The following TTN variants were observed in gnomAD, a reference collection of about 807,000 sequenced individuals.
TTN encodes the protein connectin.
TTN carries 1,525 observed loss-of-function variants against 3,223.0 expected under a neutral mutation model. The ratio of observed to expected loss-of-function variants is 0.47; its 90% CI spans 0.45 to 0.49. TTN has a LOEUF of 0.49. Ranked by LOEUF, TTN falls within the 20% of genes least tolerant of loss-of-function variation. The probability of loss-of-function intolerance (pLI) is 0.00; values close to 1 mark genes in which losing one functional copy is unlikely to be tolerated. For missense variants in TTN, 40,786 were observed against 43,424.0 expected, an observed-to-expected ratio of 0.94 and a Z score of 5.40; for synonymous variants, 14,094 against 15,161.0, an observed-to-expected ratio of 0.93 and a Z score of 5.17.
intron 208 of TTN, 62 bp downstream of exon 208, chr2:178,651,181 A>T: frequency 1.5e-6 from 2 of 1,375,492 alleles, no homozygotes; most frequent in Non-Finnish European, 1.0e-6. Context: ...AAGGTTTGAT[A>T]ATAGGTGACT....
rs571668367 is a variant in TTN, at chr2:178,557,352, C to T, written c.87910G>A (p.Ala29304Thr). ...TTHFKVTTIS[A>T]GLIYEFRVYA... ...ACCCTGAATTCATAAATAAGTCCAG[C>T]ACTGATTGTTGTGACTTTGAAGTGA... Residue 29304 changes from alanine (A) to threonine (T), a missense_variant, in exon 329 of 363, where the codon GCT (alanine) becomes ACT (threonine). Physicochemically the swap from Ala to Thr is moderately conservative, Grantham distance 58 (BLOSUM62 0). Coordinates refer to ENST00000589042, the MANE Select transcript of TTN (RefSeq NM_001267550.2). The T allele has an allele frequency of 1.9e-6, 3 of 1,613,954 alleles. No homozygotes were observed. The highest frequency in any genetic ancestry group is 2.5e-6 in the Non-Finnish European group (3 of 1,179,858).
At position 178,632,295 on chromosome 2, in the gene TTN, G is replaced by C; in HGVS notation, c.43599C>G (p.Asp14533Glu). The change falls in exon 236 of 363, where the codon GAC (aspartate) becomes GAG (glutamate). Residue 14533 changes from aspartate to glutamate, a missense_variant. Transcript: ENST00000589042. ...CCGACCTGGTGGTGTGTAGGCGCTG[G>C]TCATTCTTGAACCATTTAACTCGGA... ...DNIRVKWFKN[D>E]QRLHTTRSVS... 1.2e-6 allele frequency: 2 copies of C among 1,609,522 alleles called. No individual in the cohort carries two copies. The highest frequency in any genetic ancestry group is 1.7e-6 in the Non-Finnish European group (2 of 1,177,870).
At chr2:178,707,887 A>C in intron 99 of TTN, 74 bp from the exon 100 acceptor site, 2 of 1,495,006 alleles carry the variant, frequency 1.3e-6, no homozygotes, top group Non-Finnish European at 1.8e-6. Flanking sequence ...GAAACAAATA[A>C]AGAGAAAAAC....
chr2:178,660,825 C>T (rs200342566), intron 180 of TTN, among the ~76,000 whole-genome samples: 5,426 of 143,938 alleles, frequency 0.038, no homozygotes, highest in East Asian at 0.058. Flanking sequence ...CTCAAACAAA[C>T]GTGTAAGAAA....
chr2:178,580,695 A>C, intron 316 of TTN, 86 bp from the exon 317 acceptor site: 1 of 1,279,740 alleles, frequency 7.8e-7, no homozygotes, highest in Non-Finnish European at 1.1e-6. Context: ...CCTAAAATAC[A>C]TTTATTTTCT....
intron 47 of TTN, chr2:178,747,872 G>A (rs763867040): frequency 6.8e-6 from 11 of 1,612,926 alleles, no homozygotes; most frequent in African/African-American, 1.3e-5. Flanking sequence ...TTGTTCACCT[G>A]GATTCTGTTG....
chr2:178,697,814 A>G (rs996236543), intron 112 of TTN, among the ~76,000 whole-genome samples: 9 of 152,160 alleles, frequency 5.9e-5, no homozygotes, highest in Non-Finnish European at 1.5e-5. Context: ...TTTTTCTTCA[A>G]ATATTGATAT....
In TTN at chr2:178,554,672, C is replaced by T. The variant is rs748038054; in HGVS notation, c.88675G>A (p.Ala29559Thr). The T allele has an allele frequency of 3.1e-6, 5 of 1,613,960 alleles. No individual in the cohort carries two copies. Among genetic ancestry groups the T allele is most frequent in the Non-Finnish European group, 4.2e-6 (5 of 1,179,860 alleles). Residue 29559 changes from alanine (A) to threonine (T), a missense_variant, in exon 332 of 363, where the codon GCT (alanine) becomes ACT (threonine). Physicochemically the swap from Ala to Thr is moderately conservative, Grantham distance 58. Coordinates refer to ENST00000589042, the MANE Select transcript of TTN (RefSeq NM_001267550.2). ...GTGATTTTTGCACCACCATCATCAG[C>T]TGGAGGCCGCCAGAGAAGGGTGATC... ...EKITLLWRPP[A>T]DDGGAKITHY...
intron 250 of TTN, chr2:178,619,230 G>T (rs2057886967): frequency 2.8e-6 from 1 of 353,682 alleles, no homozygotes; most frequent in Non-Finnish European, 5.1e-6. Context: ...TACACTAATG[G>T]CTTTTTCATA....
chr2:178,798,058 G>T (rs951857948), intron 6 of TTN, among the ~76,000 whole-genome samples: 2 of 151,714 alleles, frequency 1.3e-5, no homozygotes, highest in Non-Finnish European at 2.9e-5. Flanking sequence ...TATATACTTG[G>T]ATCTATTATA....
rs748972617 is a variant in TTN, at chr2:178,682,945, A to C, written c.32888-42T>G. The C allele has an allele frequency of 2.7e-6, 4 of 1,492,520 alleles. No individual in the cohort carries two copies. The South Asian group carries it at 3.8e-5, about 14-fold the overall frequency. The allele number at this position is 1,492,520 out of a possible 1,614,324, so 92.5% of individuals were successfully genotyped here. A position where few individuals can be genotyped will look rare whatever the true frequency, so the allele number is the denominator to read the frequency against. On this transcript the variant is annotated intron_variant, in intron 134 of 362. Transcript: ENST00000589042. Reference sequence around the variant, plus strand: ...AACAGGCAGCACTTTACTTTAAAGCACTTTTAAGGATGACTGATAGTAACA... The same window carrying C: ...AACAGGCAGCACTTTACTTTAAAGCCCTTTTAAGGATGACTGATAGTAACA...
At chr2:178,770,869 C>T (rs930950818) in intron 34 of TTN, 194 bp from the exon 35 acceptor site, 16 of 852,682 alleles carry the variant, frequency 1.9e-5, no homozygotes, top group African/African-American at 1.5e-4. Flanking sequence ...ACATGTACAT[C>T]GTGAAATGAT....
rs1391021761 is a variant in TTN, at chr2:178,553,129, G to A, written c.89771C>T (p.Ser29924Leu). 1.2e-6 allele frequency: 2 copies of A among 1,612,252 alleles called. No homozygotes were observed. Among genetic ancestry groups the A allele is most frequent in the East Asian group, 2.2e-5 (1 of 44,846 alleles). ...GTCAAGCACTTTAACACTCACAGTT[G>A]AAGACTTAGGTTCACCAACTCCATT... is the stretch of plus-strand genomic sequence containing the variant. ...IENGVGEPKSSTVSVKVLDTP... is the reference protein window; with the variant it reads ...IENGVGEPKSLTVSVKVLDTP... The change falls in exon 335 of 363, where the codon TCA becomes TTA. Residue 29924 changes from serine (S) to leucine (L), a missense_variant. Coordinates refer to ENST00000589042, the MANE Select transcript of TTN (RefSeq NM_001267550.2).
Position 178,530,861 on chromosome 2 carries a change from G to A in TTN, c.105754C>T (p.Arg35252Ter), listed in dbSNP as rs886043924. Residue 35252 changes from arginine to a stop codon, truncating the protein, a stop_gained, in exon 358 of 363, where the codon CGA (arginine) becomes TGA (stop). Coordinates refer to ENST00000589042, the MANE Select transcript of TTN (RefSeq NM_001267550.2). LOFTEE classifies it high-confidence loss of function. ...TGAGAAGGTTCTGGAGATTTCACTCGTTTTGGAGACTTAACTGCTTCTGGG... is the reference window on the plus strand; with the variant it reads ...TGAGAAGGTTCTGGAGATTTCACTCATTTTGGAGACTTAACTGCTTCTGGG... ...KSPEAVKSPK[R>*]VKSPEPSHPK... 4.3e-6 allele frequency: 7 copies of A among 1,613,688 alleles called. No individual in the cohort carries two copies. The highest frequency in any genetic ancestry group is 4.0e-5 in the African/African-American group (3 of 74,840).
Position 178,584,671 on chromosome 2 carries a change from A to G in TTN, c.64970T>C (p.Phe21657Ser). 6.2e-7 allele frequency: 1 copy of G among 1,613,132 alleles called. No homozygotes were observed. The highest frequency in any genetic ancestry group is 8.5e-7 in the Non-Finnish European group (1 of 1,179,480). ...TTTTCTCCTTCACAAAAACATACCA[A>G]ATGGGAACTGCGCAACCATCTTTGG... ...TSPKMVAQFP[F>S]GVPSEPKNAR... Residue 21657 changes from phenylalanine (F) to serine (S), a missense_variant and splice_region_variant, in exon 310 of 363, where the codon TTT (phenylalanine) becomes TCT (serine). By Grantham distance (155) the Phe-to-Ser change is radical. Coordinates refer to ENST00000589042, the MANE Select transcript of TTN (RefSeq NM_001267550.2).
rs1380930420 is a variant in TTN at position 178,697,141 on chromosome 2, G to A, written c.30782C>T (p.Thr10261Ile). The A allele has an allele frequency of 1.3e-6, 2 of 1,553,668 alleles. No individual in the cohort carries two copies. The highest frequency in any genetic ancestry group is 1.4e-5 in the African/African-American group (1 of 72,900). The change falls in exon 113 of 363, where the codon ACT (threonine) becomes ATT (isoleucine). Residue 10261 changes from threonine to isoleucine, a missense_variant. Transcript: ENST00000589042. The stretch of plus-strand genomic sequence containing the variant: ...TTTACCTTTTGCTGGAATTAAGGTA[G>A]TAGGAGGTGGAGGCTTCTTGACAAT... ...EEIVKKPPPP[T>I]TLIPAKAPEI...
At chr2:178,685,711 C>A in intron 127 of TTN, 113 bp from the exon 128 acceptor site, 1 of 953,254 alleles carries the variant, frequency 1.0e-6, no homozygotes, top group Non-Finnish European at 1.6e-6. Flanking sequence ...TAACCCTTGC[C>A]AAACCCCTGC....
At position 178,631,325 on chromosome 2, in the gene TTN, G is replaced by A. The variant is rs1225389863; in HGVS notation, c.43748-25C>T. 2.5e-6 allele frequency: 4 copies of A among 1,581,436 alleles called. No individual in the cohort carries two copies. The Admixed American group carries it at 5.5e-5, about 22-fold the overall frequency. On this transcript the variant is annotated intron_variant, in intron 236 of 362. Coordinates refer to ENST00000589042, the MANE Select transcript of TTN (RefSeq NM_001267550.2). ...TCTGCAAGTAAAGTATAAGTGAAAA[G>A]CTTTTATTAATCACCTTAGGGAAAT... is the stretch of plus-strand genomic sequence containing the variant.
chr2:178,774,661 A>G (rs2091988593), intron 29 of TTN, 188 bp from the exon 30 acceptor site: 2 of 701,872 alleles, frequency 2.8e-6, no homozygotes, highest in Non-Finnish European at 4.5e-6. Flanking sequence ...TAATTTTTAA[A>G]TATTTTTGAA....
Sources: allele counts gnomAD v4.1 joint callset (sites outside exome capture counted in the v4.1 genomes callset), GRCh38; gene constraint gnomAD v4.1.1; transcripts MANE v1.5; gene names NCBI Gene and HGNC (gene_info 2026-07-23, HGNC 2026-07-21).